SLCO4C1: variants seen among roughly 807,000 people sequenced by gnomAD.
SLCO4C1 encodes solute carrier organic anion transporter family member 4C1.
A neutral mutation model predicts 72.1 loss-of-function variants in SLCO4C1; 58 were observed. The ratio of observed to expected loss-of-function variants is 0.80; its 90% CI spans 0.65 to 1.00. The LOEUF (loss-of-function observed/expected upper bound fraction) is 1.00. SLCO4C1 is among the 50% of genes least tolerant of loss of function. The pLI is 0.00. For synonymous variants in SLCO4C1, 297 were observed against 312.5 expected (o/e 0.95, Z 0.52); for missense variants, 898 against 857.9 (o/e 1.05, Z -0.58).
chr5:102,254,855 A>G (rs1373702597), intron 8 of SLCO4C1, among the ~76,000 whole-genome samples: 2 of 152,164 alleles, frequency 1.3e-5, no homozygotes, highest in Admixed American at 6.5e-5. Flanking sequence ...TATATGCTTT[A>G]TTTTGGTGGT....
intron 12 of SLCO4C1, 48 bp downstream of exon 12, chr5:102,239,203 T>C: frequency 6.8e-7 from 1 of 1,478,328 alleles, no homozygotes; most frequent in Non-Finnish European, 9.0e-7. Flanking sequence ...ATTTTTTTTT[T>C]TTTACATCCT....
chr5:102,263,681 T>C lies in SLCO4C1; in HGVS notation c.899+3A>G, dbSNP rs770113903. On this transcript the variant is annotated splice_donor_region_variant and intron_variant, in intron 4 of 12. Coordinates refer to ENST00000310954, the MANE Select transcript of SLCO4C1 (RefSeq NM_180991.5). ...AATAAAAGAAAAATAGATACTGCCT[T>C]GCCTTTCTCCCATAGCAACATCAAT... The C allele has an allele frequency of 5.8e-5, 93 of 1,608,064 alleles. No individual in the cohort carries two copies. The South Asian group carries it at 9.6e-4, about 17-fold the overall frequency.
intron 2 of SLCO4C1, among the ~76,000 whole-genome samples, chr5:102,286,795 A>G (rs1749460408): frequency 2.6e-5 from 4 of 152,192 alleles, no homozygotes; most frequent in Non-Finnish European, 5.9e-5. Context: ...ATTGTTTACA[A>G]CACAATAGAA....
rs543776490 is a variant in SLCO4C1 at position 102,290,354 on chromosome 5, CTT to C, written c.619+987_619+988del. Among the ~76,000 whole-genome samples the C allele has an allele frequency of 1.3e-4, 20 of 152,342 alleles. No individual in the cohort carries two copies. In the South Asian group the frequency reaches 4.1e-3, roughly 32 times the overall value. ...AGCCCCCACGCCTAGCTCAAACTCTCTTTAACAAACAGTTTTGTTGGGAACAA... is the reference window on the plus strand; with the variant it reads ...AGCCCCCACGCCTAGCTCAAACTCTCTAACAAACAGTTTTGTTGGGAACAA... On this transcript the variant is annotated intron_variant, in intron 2 of 12. Transcript: ENST00000310954.
At position 102,260,276 on chromosome 5, in the gene SLCO4C1, C is replaced by G; in HGVS notation, c.1065G>C (p.Gln355His). ...IQAGKTSQAH[Q>H]SNSNADVKFG... ...ATTTCACATCTGCATTACTATTACT[C>G]TGATGAGCCTGGGAAGTTTTTCCAG... Residue 355 changes from glutamine (Q) to histidine (H), a missense_variant, in exon 6 of 13, where the codon CAG becomes CAC. Transcript: ENST00000310954. The G allele has an allele frequency of 7.2e-7, 1 of 1,389,518 alleles. No individual in the cohort carries two copies. The highest frequency in any genetic ancestry group is 9.4e-7 in the Non-Finnish European group (1 of 1,063,690). The allele number at this position is 1,389,518 out of a possible 1,614,324, so 86.1% of individuals were successfully genotyped here.
At position 102,257,575 on chromosome 5, in the gene SLCO4C1, T is replaced by C. The variant is rs180901846; in HGVS notation, c.1274-265A>G. Among the ~76,000 whole-genome samples the C allele has an allele frequency of 3.3e-5, 5 of 151,978 alleles. No individual in the cohort carries two copies. In the East Asian group the frequency reaches 9.7e-4, roughly 29 times the overall value. On this transcript the variant is annotated intron_variant, in intron 7 of 12. Transcript: ENST00000310954. ...CTAGTTCATACAAAAGATTGCCTAA[T>C]GTCAGAAAATCAGAAATTTTTACCA...
Position 102,253,387 on chromosome 5 carries a change from A to G in SLCO4C1, c.1470-3599T>C, listed in dbSNP as rs1032741743. ...ATCTCAAGCAAATTAACACAGGCACAGAAAACCAAATACCACATGCTCTCA... is the reference window on the plus strand; with the variant it reads ...ATCTCAAGCAAATTAACACAGGCACGGAAAACCAAATACCACATGCTCTCA... On this transcript the variant is annotated intron_variant, in intron 8 of 12. Coordinates refer to ENST00000310954, the MANE Select transcript of SLCO4C1 (RefSeq NM_180991.5). Among the ~76,000 whole-genome samples, 11 of 152,356 alleles carry G rather than the reference A, an allele frequency of 7.2e-5. No homozygotes were observed. In the South Asian group the frequency reaches 1.4e-3, roughly 20 times the overall value.
chr5:102,259,630 T>C (rs1158323293), intron 6 of SLCO4C1, among the ~76,000 whole-genome samples: 1 of 152,172 alleles, frequency 6.6e-6, no homozygotes, highest in Admixed American at 6.5e-5. Flanking sequence ...GAAAGAATAC[T>C]TTTCTGCTGA....
In SLCO4C1 at chr5:102,247,864, G is replaced by A. The variant is rs187886517; in HGVS notation, c.1621-422C>T. Among the ~76,000 whole-genome samples the A allele has an allele frequency of 6.1e-4, 91 of 149,906 alleles. 1 individual carries two copies. Among genetic ancestry groups the A allele is most frequent in the African/African-American group, 2.1e-3 (85 of 40,894 alleles). ...ATTAAGGCCTCAACGAATCAGAGCAGAGCCAGAGAAATCAAAGAGAAGCAG... is the reference window on the plus strand; with the variant it reads ...ATTAAGGCCTCAACGAATCAGAGCAAAGCCAGAGAAATCAAAGAGAAGCAG... On this transcript the variant is annotated intron_variant, in intron 9 of 12. Transcript: ENST00000310954.
chr5:102,275,197 G>A (rs1749226623), intron 2 of SLCO4C1, among the ~76,000 whole-genome samples: 1 of 151,902 alleles, frequency 6.6e-6, no homozygotes, highest in Non-Finnish European at 1.5e-5. Flanking sequence ...AAAGTAAAAG[G>A]AAAAAACTAA....
At chr5:102,239,714 A>G (rs1160869110) in intron 11 of SLCO4C1, among the ~76,000 whole-genome samples, 4 of 152,096 alleles carry the variant, frequency 2.6e-5, no homozygotes, top group African/African-American at 9.7e-5. Context: ...TAGCTATTAT[A>G]CTTGTTAAAA....
intron 2 of SLCO4C1, among the ~76,000 whole-genome samples, chr5:102,285,702 T>C (rs567476069): frequency 1.3e-5 from 2 of 152,324 alleles, no homozygotes; most frequent in South Asian, 2.1e-4. Context: ...CTAGGCCTTT[T>C]ACTGTATGTA....
chr5:102,240,692 G>C, intron 11 of SLCO4C1, 26 bp downstream of exon 11: 1 of 1,587,008 alleles, frequency 6.3e-7, no homozygotes, highest in Non-Finnish European at 8.6e-7. Flanking sequence ...CCAACAGTTA[G>C]CAATGAATAA....
Position 102,257,279 on chromosome 5 carries a change from A to G in SLCO4C1, c.1305T>C (p.Gly435=). 6.2e-7 allele frequency: 1 copy of G among 1,602,082 alleles called. No individual in the cohort carries two copies. The highest frequency in any genetic ancestry group is 1.1e-5 in the South Asian group (1 of 88,836). The change falls in exon 8 of 13, where the codon GGT becomes GGC. Residue 435 remains glycine (G), a synonymous_variant. Transcript: ENST00000310954. ...AAACAAGGAAGCCACCTAAAATTTG[A>G]CCGAGAGCAGCTCCAGGAATTAAAA... ...GAVLIPGAAL[G]QILGGFLVSK...
chr5:102,282,628 A>G (rs1302478541), intron 2 of SLCO4C1, among the ~76,000 whole-genome samples: 1 of 152,060 alleles, frequency 6.6e-6, no homozygotes, highest in Non-Finnish European at 1.5e-5. Context: ...TCTTCCAAGT[A>G]AAAAGAAGTC....
At chr5:102,242,864 A>G (rs1028616539) in intron 10 of SLCO4C1, among the ~76,000 whole-genome samples, 4 of 152,148 alleles carry the variant, frequency 2.6e-5, no homozygotes, top group African/African-American at 9.7e-5. Context: ...TTTAGGTACC[A>G]TCACTGCCCC....
At chr5:102,258,812 T>G (rs1748886677) in intron 6 of SLCO4C1, among the ~76,000 whole-genome samples, 1 of 151,326 alleles carries the variant, frequency 6.6e-6, no homozygotes, top group Non-Finnish European at 1.5e-5. Flanking sequence ...GCTTTAGAAG[T>G]CAGAGCCACA....
At chr5:102,254,134 C>T (rs942487398) in intron 8 of SLCO4C1, among the ~76,000 whole-genome samples, 1 of 152,124 alleles carries the variant, frequency 6.6e-6, no homozygotes, top group Non-Finnish European at 1.5e-5. Context: ...TACTAGAAAC[C>T]CTACATCCTC....
Position 102,257,943 on chromosome 5 carries a change from C to A in SLCO4C1, c.1273G>T (p.Gly425Trp), listed in dbSNP as rs750757548. 5.6e-6 allele frequency: 9 copies of A among 1,598,438 alleles called. No homozygotes were observed. In the East Asian group the frequency reaches 1.1e-4, roughly 20 times the overall value. Residue 425 changes from glycine (G) to tryptophan (W), a missense_variant and splice_region_variant, in exon 7 of 13, where the codon GGG (glycine) becomes TGG (tryptophan). By Grantham distance (184) the Gly-to-Trp change is radical. Transcript: ENST00000310954. ...GGTTAAGATAAAGAAAATGTTTTAC[C>A]TCCAAGAGTAGCTGCGAAGCTGGAT... ...LTSSFAATLG[G>W]AVLIPGAALG...
Sources: gnomAD v4.1 joint callset for allele counts (sites outside exome capture counted in the v4.1 genomes callset) on GRCh38, gnomAD v4.1.1 for gene constraint, MANE v1.5 for transcripts, NCBI Gene and HGNC (gene_info 2026-07-23, HGNC 2026-07-21) for gene names.